Variants in ESRP1 observed in about 807,000 individuals in gnomAD.
ESRP1 encodes the protein epithelial splicing regulatory protein 1.
In ESRP1, 33 loss-of-function variants were observed where a neutral mutation model predicts 81.7. That is an observed-to-expected ratio of 0.40 (90% CI 0.31 to 0.54). The LOEUF (loss-of-function observed/expected upper bound fraction) is 0.54. ESRP1 is among the 20% of genes least tolerant of loss of function. The pLI, the probability that ESRP1 is intolerant of heterozygous loss-of-function variation, is 0.41. For synonymous variants in ESRP1, 320 were observed against 303.3 expected, an observed-to-expected ratio of 1.06 and a Z score of -0.57; for missense variants, 672 against 833.1, an observed-to-expected ratio of 0.81 and a Z score of 2.38.
At chr8:94,643,714 GTC>G (rs1169713999) in intron 3 of ESRP1, among the ~76,000 whole-genome samples, 4 of 149,724 alleles carry the variant, frequency 2.7e-5, no homozygotes, top group Admixed American at 6.8e-5. Context: ...ACTTAAAATA[GTC>G]TCTTTGTTTA....
chr8:94,680,210 A>G (rs1338856369), intron 13 of ESRP1, among the ~76,000 whole-genome samples: 2 of 152,132 alleles, frequency 1.3e-5, no homozygotes, highest in Non-Finnish European at 2.9e-5. Flanking sequence ...GGAATTTTAA[A>G]AAGGAAGGTC....
intron 4 of ESRP1, among the ~76,000 whole-genome samples, chr8:94,659,872 A>ACTAGCT (rs1391350676): frequency 5.3e-5 from 8 of 152,220 alleles, no homozygotes; most frequent in African/African-American, 1.9e-4. Flanking sequence ...GATAGATCAA[A>ACTAGCT]CTAGCTACCA....
chr8:94,686,836 C>CT (rs1809159666), intron 13 of ESRP1, among the ~76,000 whole-genome samples: 1 of 152,052 alleles, frequency 6.6e-6, no homozygotes, highest in African/African-American at 2.4e-5. Context: ...TGGCATAGCT[C>CT]TTTTTTAAGA....
chr8:94,651,123 G>C (rs1005807088), intron 4 of ESRP1, among the ~76,000 whole-genome samples: 10 of 152,048 alleles, frequency 6.6e-5, no homozygotes, highest in African/African-American at 2.4e-4. Context: ...TTTTTCCAGG[G>C]GGAATGGTGA....
rs532490565 is a variant in ESRP1, at chr8:94,703,306, C to T, written c.*36-2619C>T. Among the ~76,000 whole-genome samples, 36 of 152,050 alleles carry T rather than the reference C, an allele frequency of 2.4e-4. No homozygotes were observed. The East Asian group carries it at 5.8e-3, about 25-fold the overall frequency. On this transcript the variant is annotated intron_variant, in intron 15 of 15. Coordinates refer to ENST00000433389, the MANE Select transcript of ESRP1 (RefSeq NM_017697.4). ...AGTAGCTGGGACTACAAGCACACACCGCTACTCCCAGCTTATTTATTATTT... is the reference window on the plus strand; with the variant it reads ...AGTAGCTGGGACTACAAGCACACACTGCTACTCCCAGCTTATTTATTATTT...
intron 9 of ESRP1, among the ~76,000 whole-genome samples, chr8:94,666,046 T>C (rs1279727843): frequency 7.9e-5 from 12 of 152,256 alleles, no homozygotes; most frequent in Non-Finnish European, 1.5e-5. Context: ...GTAACATGCA[T>C]AAAACGTTGA....
intron 4 of ESRP1, among the ~76,000 whole-genome samples, chr8:94,647,527 G>A (rs746437222): frequency 9.9e-5 from 15 of 152,148 alleles, no homozygotes; most frequent in South Asian, 2.1e-4. Flanking sequence ...CTGGCTTGCA[G>A]GTAGCCAGCC....
At chr8:94,690,274 T>TG (rs1809340382) in intron 13 of ESRP1, among the ~76,000 whole-genome samples, 1 of 116,382 alleles carries the variant, frequency 8.6e-6, no homozygotes, top group African/African-American at 3.1e-5. Context: ...AATGCCTGGC[T>TG]AATTTTTTTT....
In ESRP1 at chr8:94,641,447, G is replaced by A. The variant is rs371931710; in HGVS notation, c.129G>A (p.Lys43=). ...LFWKVVDLAN[K]KVGQLHEVLV... ...GGAAAGTCGTGGATCTGGCCAACAA[G>A]AAGGTATTTCTCCACATTTTCGTCT... Residue 43 remains lysine, a synonymous_variant, in exon 1 of 16, where the codon AAG becomes AAA. Coordinates refer to ENST00000433389, the MANE Select transcript of ESRP1 (RefSeq NM_017697.4). 7.4e-6 allele frequency: 12 copies of A among 1,613,768 alleles called. No homozygotes were observed. The highest frequency in any genetic ancestry group is 1.0e-5 in the Non-Finnish European group (12 of 1,179,868).
intron 15 of ESRP1, among the ~76,000 whole-genome samples, chr8:94,703,062 A>G (rs964040822): frequency 6.6e-6 from 1 of 151,242 alleles, no homozygotes; most frequent in East Asian, 1.9e-4. Flanking sequence ...TTTGTTTGCT[A>G]TAGCTAAACG....
chr8:94,688,081 T>A (rs1476595199), intron 13 of ESRP1: 1 of 152,248 alleles, frequency 6.6e-6, no homozygotes, highest in Admixed American at 6.5e-5. Context: ...TCTAAAATCA[T>A]CCCTTTAGAG....
At chr8:94,660,785 A>G (rs1389493768) in intron 4 of ESRP1, among the ~76,000 whole-genome samples, 1 of 151,544 alleles carries the variant, frequency 6.6e-6, no homozygotes, top group Non-Finnish European at 1.5e-5. Context: ...AAAACCAAGA[A>G]TTACAGTAAG....
intron 13 of ESRP1, 56 bp downstream of exon 13, chr8:94,678,427 G>C: frequency 1.3e-6 from 2 of 1,573,412 alleles, no homozygotes; most frequent in East Asian, 2.2e-5. Flanking sequence ...TCCTTTGATA[G>C]CCAGTGCAAG....
intron 3 of ESRP1, 37 bp downstream of exon 3, chr8:94,643,453 G>C (rs372121657): frequency 1.8e-5 from 26 of 1,420,954 alleles, no homozygotes; most frequent in Non-Finnish European, 2.4e-5. Flanking sequence ...AATGGTTGGA[G>C]CTTTGGGGTG....
intron 15 of ESRP1, among the ~76,000 whole-genome samples, chr8:94,697,812 T>C (rs1809664149): frequency 6.6e-6 from 1 of 152,168 alleles, no homozygotes; most frequent in Admixed American, 6.6e-5. Context: ...GACAGAGTCT[T>C]ACACTGTTGC....
chr8:94,672,280 A>G (rs958448670), intron 11 of ESRP1, among the ~76,000 whole-genome samples: 2 of 152,128 alleles, frequency 1.3e-5, no homozygotes, highest in Non-Finnish European at 2.9e-5. Flanking sequence ...AATCCATACC[A>G]CCTAGAAAGA....
intron 4 of ESRP1, among the ~76,000 whole-genome samples, chr8:94,654,921 A>C (rs1417790315): frequency 6.8e-6 from 1 of 147,972 alleles, no homozygotes; most frequent in East Asian, 1.9e-4. Flanking sequence ...TCCTGCCTCA[A>C]AAAAAAAAAA....
chr8:94,642,103 G>T lies in ESRP1; in HGVS notation c.261+19G>T. The T allele has an allele frequency of 6.2e-7, 1 of 1,606,796 alleles. No homozygotes were observed. Among genetic ancestry groups the T allele is most frequent in the Non-Finnish European group, 8.5e-7 (1 of 1,178,996 alleles). ...CCGACAGGTGACAACCCCGGGTCAC[G>T]CCACCCACCCCAGCCTGGGCCCAAC... On this transcript the variant is annotated intron_variant, in intron 2 of 15. Coordinates refer to ENST00000433389, the MANE Select transcript of ESRP1 (RefSeq NM_017697.4).
chr8:94,657,005 G>A (rs1563523025), intron 4 of ESRP1, among the ~76,000 whole-genome samples: 1 of 152,198 alleles, frequency 6.6e-6, no homozygotes, highest in Non-Finnish European at 1.5e-5. Context: ...TAATGTAAGT[G>A]TGGATTAAAT....
Sources: gnomAD v4.1 joint callset for allele counts (sites outside exome capture counted in the v4.1 genomes callset) on GRCh38, gnomAD v4.1.1 for gene constraint, MANE v1.5 for transcripts, NCBI Gene and HGNC (gene_info 2026-07-23, HGNC 2026-07-21) for gene names.